DGKK: variants seen among roughly 807,000 people sequenced by gnomAD.
DGKK encodes the protein 142 kDa diacylglycerol kinase.
A neutral mutation model predicts 92.2 loss-of-function variants in DGKK; 35 were observed. The ratio of observed to expected loss-of-function variants is 0.38; its 90% CI spans 0.29 to 0.50. The LOEUF is 0.50. Among genes scored for constraint, DGKK ranks in the 20% least tolerant of loss-of-function variants. The pLI is 0.92. For missense variants in DGKK, 910 were observed against 992.2 expected (o/e 0.92, Z 1.11); for synonymous variants, 368 against 360.6 (o/e 1.02, Z -0.23).
In DGKK at chrX:50,391,446, A is replaced by T. The variant is rs138086016; in HGVS notation, c.1835T>A (p.Ile612Asn). The part of the protein sequence containing the change: ...LNRVEQASVR[I>N]LDRWSVMIRE... ...TCTTTCAGCCACTTACCTGTCTAGG[A>T]TCCTCACACTAGCCTGCTCCACTCT... The change falls in exon 11 of 28, where the codon ATC becomes AAC. Residue 612 changes from isoleucine to asparagine, a missense_variant. By Grantham distance (149) the Ile-to-Asn change is moderately radical. Coordinates refer to ENST00000611977, the MANE Select transcript of DGKK (RefSeq NM_001013742.4). 4,032 of 1,209,523 alleles carry T rather than the reference A, an allele frequency of 3.3e-3. 96 individuals carry two copies. The African/African-American group carries it at 0.063, about 19-fold the overall frequency.
intron 1 of DGKK, among the ~76,000 whole-genome samples, chrX:50,426,179 T>C (rs781886759): frequency 8.9e-6 from 1 of 112,114 alleles, no homozygotes; most frequent in South Asian, 3.7e-4. Flanking sequence ...TTGTCGTATG[T>C]AATGTCCCCT....
intron 1 of DGKK, among the ~76,000 whole-genome samples, chrX:50,451,204 A>G (rs1344171625): frequency 1.8e-5 from 2 of 111,656 alleles, no homozygotes; most frequent in African/African-American, 6.5e-5. Context: ...CTCTATGTAG[A>G]TATTGAATTA....
chrX:50,395,197 T>C (rs1230361179), intron 8 of DGKK, among the ~76,000 whole-genome samples: 1 of 111,660 alleles, frequency 9.0e-6, no homozygotes, highest in Non-Finnish European at 1.9e-5. Context: ...AGGTGTTAAC[T>C]TTTTATGTGC....
intron 7 of DGKK, among the ~76,000 whole-genome samples, chrX:50,401,389 A>G (rs1925001902): frequency 1.8e-5 from 2 of 111,272 alleles, no homozygotes; most frequent in African/African-American, 6.5e-5. Flanking sequence ...ACCCACCTAC[A>G]GGCACTGAGA....
intron 13 of DGKK, 69 bp downstream of exon 13, chrX:50,388,458 G>T: frequency 1.2e-6 from 1 of 801,115 alleles, no homozygotes; most frequent in Non-Finnish European, 1.8e-6. Flanking sequence ...AACACCCTCA[G>T]CTATCAAAAT....
chrX:50,382,350 G>A, intron 18 of DGKK, 146 bp downstream of exon 18: 5 of 442,447 alleles, frequency 1.1e-5, no homozygotes, highest in East Asian at 8.2e-5. Context: ...ACACTGTCCC[G>A]CTAGACTAGT....
intron 1 of DGKK, among the ~76,000 whole-genome samples, chrX:50,465,996 AT>A (rs200020053): frequency 4.4e-4 from 22 of 49,889 alleles, no homozygotes; most frequent in African/African-American, 1.3e-3. Flanking sequence ...TTCTATGGAT[AT>A]TTTTTTCTTT....
intron 1 of DGKK, among the ~76,000 whole-genome samples, chrX:50,464,257 C>G (rs1430089736): frequency 9.2e-6 from 1 of 108,314 alleles, no homozygotes; most frequent in African/African-American, 3.4e-5. Context: ...TCCTCTTCAC[C>G]AACACATATA....
At chrX:50,421,702 C>T (rs1303766111) in intron 3 of DGKK, among the ~76,000 whole-genome samples, 1 of 111,702 alleles carries the variant, frequency 9.0e-6, no homozygotes, top group Non-Finnish European at 1.9e-5. Flanking sequence ...TTAGACCCAG[C>T]CGCTCTCCTT....
chrX:50,446,716 T>C (rs782541386), intron 1 of DGKK, among the ~76,000 whole-genome samples: 57 of 111,637 alleles, frequency 5.1e-4, no homozygotes, highest in African/African-American at 1.7e-3. Flanking sequence ...AGAGTAAAAG[T>C]TGTAAATTTT....
At position 50,384,222 on chromosome X, in the gene DGKK, C is replaced by G. The variant is rs782657804; in HGVS notation, c.2495G>C (p.Ser832Thr). ...CAAGTTAAGGTTGTCCAGGTCCTCA[C>G]TTTTGAGAGAAGATATAGAAGACAA... Reference protein sequence around the residue: ...GTLSSISSLKSEDLDNLNLDH... With the variant: ...GTLSSISSLKTEDLDNLNLDH... Residue 832 changes from serine to threonine, a missense_variant, in exon 17 of 28, where the codon AGT becomes ACT. Transcript: ENST00000611977. 5.1e-6 allele frequency: 6 copies of G among 1,182,162 alleles called. No homozygotes were observed. Among genetic ancestry groups the G allele is most frequent in the Non-Finnish European group, 1.1e-6 (1 of 879,220 alleles).
Position 50,380,027 on chromosome X carries a change from A to G in DGKK, c.2708T>C (p.Leu903Pro). Residue 903 changes from leucine (L) to proline (P), a missense_variant, in exon 19 of 28, where the codon CTT (leucine) becomes CCT (proline). Transcript: ENST00000611977. ...CAGTTTCCTGTAAGAGCGCTGCAAA[A>G]GTTCTTTGGTTCCCAGAAGGCCATA... ...MWYGLLGTKE[L>P]LQRSYRKLEE... 1 of 1,211,773 alleles carries G rather than the reference A, an allele frequency of 8.3e-7. No homozygotes were observed. Among genetic ancestry groups the G allele is most frequent in the Non-Finnish European group, 1.1e-6 (1 of 895,384 alleles).
intron 1 of DGKK, among the ~76,000 whole-genome samples, chrX:50,452,010 C>A (rs573865734): frequency 4.5e-5 from 5 of 112,020 alleles, no homozygotes; most frequent in African/African-American, 1.6e-4. Context: ...GTAGGGGCTA[C>A]CATAGTTTTA....
intron 4 of DGKK, among the ~76,000 whole-genome samples, chrX:50,407,152 A>C (rs1013052188): frequency 3.6e-5 from 4 of 111,928 alleles, no homozygotes; most frequent in Non-Finnish European, 7.5e-5. Context: ...CTTTGTGAGC[A>C]ATAAACTTGA....
chrX:50,395,579 A>G (rs1232854075), intron 8 of DGKK, among the ~76,000 whole-genome samples: 2 of 111,378 alleles, frequency 1.8e-5, no homozygotes, highest in Non-Finnish European at 3.8e-5. Context: ...ACCACTGTGT[A>G]CTATTTGGGC....
chrX:50,426,632 G>A (rs1326408662), intron 1 of DGKK, among the ~76,000 whole-genome samples: 1 of 111,185 alleles, frequency 9.0e-6, no homozygotes, highest in Non-Finnish European at 1.9e-5. Context: ...TACCACTCAG[G>A]GGGCCCTTAC....
chrX:50,401,507 A>G (rs149401595), intron 7 of DGKK, among the ~76,000 whole-genome samples: 2,001 of 111,545 alleles, frequency 0.018, 48 homozygotes, highest in African/African-American at 0.063. Context: ...AATCCTTATA[A>G]CAACAGGTGT....
At chrX:50,459,848 G>C (rs1191299348) in intron 1 of DGKK, among the ~76,000 whole-genome samples, 1 of 111,193 alleles carries the variant, frequency 9.0e-6, no homozygotes, top group African/African-American at 3.3e-5. Context: ...AGTGAGAAGG[G>C]TACCAACTTG....
At position 50,380,088 on chromosome X, in the gene DGKK, G is replaced by A; in HGVS notation, c.2658-11C>T. ...TTCTTAAGGCGGCTACTACATGGAG[G>A]TAAGCATTAAGAAAGCAGAGGGTGA... On this transcript the variant is annotated splice_polypyrimidine_tract_variant and intron_variant, in intron 18 of 27. Coordinates refer to ENST00000611977, the MANE Select transcript of DGKK (RefSeq NM_001013742.4). 1 of 1,175,529 alleles carries A rather than the reference G, an allele frequency of 8.5e-7. No individual in the cohort carries two copies. Among genetic ancestry groups the A allele is most frequent in the Non-Finnish European group, 1.2e-6 (1 of 862,960 alleles).
Sources: allele counts gnomAD v4.1 joint callset (sites outside exome capture counted in the v4.1 genomes callset), GRCh38; gene constraint gnomAD v4.1.1; transcripts MANE v1.5; gene names NCBI Gene and HGNC (gene_info 2026-07-23, HGNC 2026-07-21).